The following RPS6KA2 variants were observed in gnomAD, a reference collection of about 807,000 sequenced individuals.
RPS6KA2 encodes the protein ribosomal protein S6 kinase A2.
Under a neutral mutation model 91.8 loss-of-function variants are expected in RPS6KA2, and 42 were observed. The observed-to-expected ratio is 0.46, with a 90% CI of 0.36 to 0.59. RPS6KA2 has a LOEUF of 0.59. Ranked by LOEUF, RPS6KA2 falls within the 20% of genes least tolerant of loss-of-function variation. The pLI is 0.00. For synonymous variants in RPS6KA2, 414 were observed against 393.6 expected (o/e 1.05, Z -0.61); for missense variants, 798 against 978.5 (o/e 0.82, Z 2.46).
chr6:166,750,241 G>T (rs754368818), intron 2 of RPS6KA2, among the ~76,000 whole-genome samples: 1 of 152,160 alleles, frequency 6.6e-6, no homozygotes, highest in Non-Finnish European at 1.5e-5. Flanking sequence ...GACATCGGGC[G>T]TGCTCCCCTC....
intron 1 of RPS6KA2, among the ~76,000 whole-genome samples, chr6:166,541,403 G>A (rs1240796943): frequency 6.6e-6 from 1 of 152,208 alleles, no homozygotes; most frequent in Non-Finnish European, 1.5e-5. Context: ...TCTTTGTGGA[G>A]GGTCTGAGAC....
intron 1 of RPS6KA2, among the ~76,000 whole-genome samples, chr6:166,613,277 G>C (rs1375614049): frequency 6.6e-6 from 1 of 152,264 alleles, no homozygotes; most frequent in African/African-American, 2.4e-5. Context: ...CATTCAGGCG[G>C]CTGGGGTGCA....
intron 2 of RPS6KA2, among the ~76,000 whole-genome samples, chr6:166,851,236 G>A (rs1369071551): frequency 6.6e-6 from 1 of 152,124 alleles, no homozygotes; most frequent in Non-Finnish European, 1.5e-5. Flanking sequence ...GGAGAGCCAC[G>A]CCACCAGTCC....
At chr6:166,716,040 A>AC (rs1790001819) in intron 2 of RPS6KA2, among the ~76,000 whole-genome samples, 1 of 42,770 alleles carries the variant, frequency 2.3e-5, no homozygotes, top group Admixed American at 3.0e-4. Flanking sequence ...TCCATCAAAA[A>AC]AAAAAAAAAA....
rs1358503389 is a variant in RPS6KA2, at chr6:166,412,953, G to A, written c.2077-66C>T. ...CTCCAGGGGTTGAGCCGGAGCCCGG[G>A]GCCTCCATGGGCCTCAGCTGCCCCC... On this transcript the variant is annotated intron_variant, in intron 20 of 20. Coordinates refer to ENST00000265678, the MANE Select transcript of RPS6KA2 (RefSeq NM_021135.6). The surrounding 1 kb of genome is among the most constrained non-coding windows in gnomAD (Gnocchi z 4.3). The A allele has an allele frequency of 6.2e-6, 9 of 1,448,616 alleles. No homozygotes were observed. The highest frequency in any genetic ancestry group is 1.4e-5 in the African/African-American group (1 of 70,038). 89.7% of individuals were successfully genotyped at this position (1,448,616 alleles called of 1,614,324 possible).
chr6:166,701,308 G>A (rs1404620424), intron 2 of RPS6KA2: 65 of 1,575,838 alleles, frequency 4.1e-5, no homozygotes, highest in Middle Eastern at 4.3e-4. Context: ...TTCATTCACC[G>A]TTTTGCCTCC....
rs1248010257 is a variant in RPS6KA2, at chr6:166,737,422, C to T, written c.123+120778G>A. Among the ~76,000 whole-genome samples the T allele has an allele frequency of 6.6e-6, 1 of 152,130 alleles. No homozygotes were observed. Among genetic ancestry groups the T allele is most frequent in the Non-Finnish European group, 1.5e-5 (1 of 68,030 alleles). The stretch of plus-strand genomic sequence containing the variant: ...CCTTAGATTTGTAGGCATGCATAGC[C>T]AGACACCTCGAGAAATGACGCACGC... On this transcript the variant is annotated intron_variant, in intron 2 of 21. Coordinates refer to the RPS6KA2 transcript ENST00000503859. The surrounding 1 kb of genome is among the most constrained non-coding windows in gnomAD (Gnocchi z 4.3).
chr6:166,852,497 G>A lies in RPS6KA2; in HGVS notation c.123+5703C>T, dbSNP rs548699622. ...CAGAGACATGAGAGGCAACGTGGCC[G>A]CACAGGCGGTTTAGCCTGTCCCGGG... On this transcript the variant is annotated intron_variant, in intron 2 of 21. Transcript: ENST00000503859. This position sits in a 1 kb window ranked among gnomAD's most constrained non-coding sequence, Gnocchi z 4.1. Among the ~76,000 whole-genome samples, 8 of 152,282 alleles carry A rather than the reference G, an allele frequency of 5.3e-5. No homozygotes were observed. In the East Asian group the frequency reaches 5.8e-4, roughly 11 times the overall value.
intron 2 of RPS6KA2, among the ~76,000 whole-genome samples, chr6:166,857,118 A>T (rs554944119): frequency 3.8e-4 from 58 of 152,356 alleles, no homozygotes; most frequent in African/African-American, 1.3e-3. Context: ...ACTTGGCTTA[A>T]ATGTTGCATT....
rs534115447 is a variant in RPS6KA2 at position 166,533,491 on chromosome 6, C to A, written c.217-2178G>T. On this transcript the variant is annotated intron_variant, in intron 2 of 20. Transcript: ENST00000265678. The surrounding 1 kb of genome is among the most constrained non-coding windows in gnomAD (Gnocchi z 4.0). ...TTGTGGCAGGGACGCCACATTTCCCCGGCATCCTGCAGGTAAGTTGGGCAG... is the reference window on the plus strand; with the variant it reads ...TTGTGGCAGGGACGCCACATTTCCCAGGCATCCTGCAGGTAAGTTGGGCAG... Among the ~76,000 whole-genome samples, 1 of 152,248 alleles carries A rather than the reference C, an allele frequency of 6.6e-6. No homozygotes were observed. The highest frequency in any genetic ancestry group is 2.4e-5 in the African/African-American group (1 of 41,458).
At chr6:166,420,296 A>G (rs964440558) in intron 17 of RPS6KA2, among the ~76,000 whole-genome samples, 4 of 152,210 alleles carry the variant, frequency 2.6e-5, no homozygotes, top group Non-Finnish European at 5.9e-5. Flanking sequence ...TTAAGTGCAC[A>G]GTTTAGCAGC....
chr6:166,675,849 T>G (rs1263645758), intron 2 of RPS6KA2, among the ~76,000 whole-genome samples: 2 of 152,216 alleles, frequency 1.3e-5, no homozygotes, highest in Non-Finnish European at 2.9e-5. Context: ...GTGTCATATC[T>G]TCACAGTCTC....
chr6:166,765,920 C>T (rs564492982), intron 2 of RPS6KA2, among the ~76,000 whole-genome samples: 40 of 152,312 alleles, frequency 2.6e-4, no homozygotes, highest in Non-Finnish European at 4.4e-4. Flanking sequence ...ACTCCCTTCA[C>T]GCTGACACAG....
Position 166,437,673 on chromosome 6 carries a change from C to T in RPS6KA2, c.1333-5183G>A, listed in dbSNP as rs966655241. On this transcript the variant is annotated intron_variant, in intron 14 of 20. Transcript: ENST00000265678. This position sits in a 1 kb window ranked among gnomAD's most constrained non-coding sequence, Gnocchi z 4.3. ...CTGAGTCTAGGGGTCTGAATATCCACGAAGCAATTCTGGGTTCAACATGGA... is the reference window on the plus strand; with the variant it reads ...CTGAGTCTAGGGGTCTGAATATCCATGAAGCAATTCTGGGTTCAACATGGA... Among the ~76,000 whole-genome samples the T allele has an allele frequency of 8.5e-5, 13 of 152,204 alleles. No homozygotes were observed. The highest frequency in any genetic ancestry group is 2.9e-4 in the African/African-American group (12 of 41,450).
chr6:166,508,200 C>T lies in RPS6KA2; in HGVS notation c.459+3G>A, dbSNP rs1461575068. The T allele has an allele frequency of 6.2e-7, 1 of 1,604,296 alleles. No individual in the cohort carries two copies. Among genetic ancestry groups the T allele is most frequent in the Non-Finnish European group, 8.5e-7 (1 of 1,171,644 alleles). On this transcript the variant is annotated splice_donor_region_variant and intron_variant, in intron 5 of 20. Coordinates refer to ENST00000265678, the MANE Select transcript of RPS6KA2 (RefSeq NM_021135.6). This position sits in a 1 kb window ranked among gnomAD's most constrained non-coding sequence, Gnocchi z 4.3. ...CCTCCTGTGTGATGTGGCGGCTGCT[C>T]ACCTCTTTGGAGAGCCGGGTGAAGA...
Position 166,757,020 on chromosome 6 carries a change from T to C in RPS6KA2, c.123+101180A>G, listed in dbSNP as rs112261882. On this transcript the variant is annotated intron_variant, in intron 2 of 21. Transcript: ENST00000503859. ...GAATATACTTAATGCCGCTGAACTG[T>C]GCACTTAAAAATGGTTAAAACTGAA... is the stretch of plus-strand genomic sequence containing the variant. Among the ~76,000 whole-genome samples, 308 of 152,230 alleles carry C rather than the reference T, an allele frequency of 2.0e-3. 2 individuals carry two copies. Among genetic ancestry groups the C allele is most frequent in the African/African-American group, 6.7e-3 (280 of 41,548 alleles).
intron 2 of RPS6KA2, among the ~76,000 whole-genome samples, chr6:166,699,807 G>A (rs1789458248): frequency 6.6e-6 from 1 of 152,186 alleles, no homozygotes; most frequent in Non-Finnish European, 1.5e-5. Flanking sequence ...TGATTGCACA[G>A]TATACAGAAA....
At chr6:166,640,298 T>G (rs910406334) in intron 2 of RPS6KA2, among the ~76,000 whole-genome samples, 1 of 152,258 alleles carries the variant, frequency 6.6e-6, no homozygotes, top group Non-Finnish European at 1.5e-5. Flanking sequence ...TTTGCTAGAT[T>G]TGTTTTAGCA....
intron 2 of RPS6KA2, among the ~76,000 whole-genome samples, chr6:166,812,511 C>T (rs1486127242): frequency 6.6e-6 from 1 of 152,048 alleles, no homozygotes; most frequent in Non-Finnish European, 1.5e-5. Context: ...GGGAGATGTC[C>T]CTTTTAGGCT....
Sources: gnomAD v4.1 joint callset for allele counts (sites outside exome capture counted in the v4.1 genomes callset) on GRCh38, gnomAD v4.1.1 for gene constraint, Gnocchi (gnomAD v3.1) non-coding constraint, MANE v1.5 for transcripts, NCBI Gene and HGNC (gene_info 2026-07-23, HGNC 2026-07-21) for gene names.